Variants in FIG4 observed in about 807,000 individuals in gnomAD.
The protein encoded by FIG4 is polyphosphoinositide phosphatase.
Under a neutral mutation model 118.6 loss-of-function variants are expected in FIG4, and 112 were observed. The ratio of observed to expected loss-of-function variants is 0.94; its 90% CI spans 0.81 to 1.11. The LOEUF (loss-of-function observed/expected upper bound fraction) is 1.11, where lower values mean the gene tolerates loss of function less well. Among genes scored for constraint, FIG4 ranks in the 50% least tolerant of loss-of-function variants. The pLI is 0.00. For synonymous variants in FIG4, 369 were observed against 381.2 expected (o/e 0.97, Z 0.37); for missense variants, 969 against 1,111.7 (o/e 0.87, Z 1.83).
At chr6:109,797,543 G>C (rs1778320932) in intron 22 of FIG4, among the ~76,000 whole-genome samples, 1 of 152,098 alleles carries the variant, frequency 6.6e-6, no homozygotes, top group Non-Finnish European at 1.5e-5. Context: ...CAAAGCAAAG[G>C]GTTGTGACCA....
intron 10 of FIG4, among the ~76,000 whole-genome samples, chr6:109,759,709 C>T (rs1777041354): frequency 6.6e-6 from 1 of 152,226 alleles, no homozygotes; most frequent in Non-Finnish European, 1.5e-5. Context: ...GAATGCCTCT[C>T]CACCTCAATT....
In FIG4 at chr6:109,772,105, C is replaced by T. The variant is rs371618024; in HGVS notation, c.1751-4817C>T. Among the ~76,000 whole-genome samples the T allele has an allele frequency of 5.3e-5, 8 of 152,326 alleles. No homozygotes were observed. The East Asian group carries it at 7.7e-4, about 15-fold the overall frequency. Reference sequence around the variant, plus strand: ...ACTTGTCCAGGTTACCAACAATTCCCACATTGCCAAATCTAATGTTTACTC... The same window carrying T: ...ACTTGTCCAGGTTACCAACAATTCCTACATTGCCAAATCTAATGTTTACTC... On this transcript the variant is annotated intron_variant, in intron 15 of 22. Transcript: ENST00000230124.
chr6:109,721,047 T>C (rs755568967), intron 3 of FIG4, among the ~76,000 whole-genome samples: 2 of 152,172 alleles, frequency 1.3e-5, no homozygotes, highest in African/African-American at 2.4e-5. Flanking sequence ...ACGTGTCCTT[T>C]TTCTGCCACT....
chr6:109,819,091 G>A (rs1778936328), intron 22 of FIG4, among the ~76,000 whole-genome samples: 1 of 152,158 alleles, frequency 6.6e-6, no homozygotes, highest in Admixed American at 6.5e-5. Flanking sequence ...GGATCTCTGG[G>A]TATGTGTAGC....
chr6:109,769,827 C>G (rs7770807), intron 15 of FIG4, among the ~76,000 whole-genome samples: 122,678 of 152,140 alleles, frequency 0.81, 49,794 homozygotes, highest in African/African-American at 0.92. Flanking sequence ...CCTAAGGGCA[C>G]AGGATCCCCT....
At chr6:109,763,470 A>G (rs1004716519) in intron 12 of FIG4, among the ~76,000 whole-genome samples, 1 of 152,238 alleles carries the variant, frequency 6.6e-6, no homozygotes, top group Non-Finnish European at 1.5e-5. Context: ...TCTAAAAGGA[A>G]ATCTACAAAA....
At chr6:109,823,552 G>C (rs2128402374) in intron 22 of FIG4, among the ~76,000 whole-genome samples, 1 of 152,286 alleles carries the variant, frequency 6.6e-6, no homozygotes, top group East Asian at 1.9e-4. Flanking sequence ...TATGAAGATA[G>C]AGCCCTTTTG....
chr6:109,757,035 G>A (rs1047607559), intron 10 of FIG4, among the ~76,000 whole-genome samples: 2 of 152,098 alleles, frequency 1.3e-5, no homozygotes, highest in Non-Finnish European at 1.5e-5. Context: ...CGTCGCTCAC[G>A]CTGGGAGCTG....
intron 15 of FIG4, among the ~76,000 whole-genome samples, chr6:109,771,004 A>G (rs1029044120): frequency 6.6e-6 from 1 of 152,210 alleles, no homozygotes; most frequent in African/African-American, 2.4e-5. Flanking sequence ...AAAGAGGGAC[A>G]TCAAAGGGAA....
At chr6:109,768,608 G>A (rs1269730024) in intron 15 of FIG4, among the ~76,000 whole-genome samples, 1 of 152,176 alleles carries the variant, frequency 6.6e-6, no homozygotes, top group African/African-American at 2.4e-5. Flanking sequence ...CCACGTGCTG[G>A]CAGAATTCAG....
Position 109,789,582 on chromosome 6 carries a change from A to G in FIG4, c.2097-12A>G, listed in dbSNP as rs1425962006. ...GTAATTCATATGTAATTGTGTTTTC[A>G]CCTTTCTTTAGTGACTTTATGCCTA... On this transcript the variant is annotated splice_polypyrimidine_tract_variant and intron_variant, in intron 18 of 22. Transcript: ENST00000230124. 6 of 1,602,374 alleles carry G rather than the reference A, an allele frequency of 3.7e-6. No individual in the cohort carries two copies. In the Admixed American group the frequency reaches 5.0e-5, roughly 13 times the overall value.
intron 6 of FIG4, among the ~76,000 whole-genome samples, chr6:109,736,429 C>T (rs2128385858): frequency 6.6e-6 from 1 of 152,248 alleles, no homozygotes; most frequent in East Asian, 1.9e-4. Flanking sequence ...TCCCTACTCC[C>T]AGATCATTAG....
chr6:109,812,048 A>G (rs1778734305), intron 22 of FIG4, among the ~76,000 whole-genome samples: 1 of 152,134 alleles, frequency 6.6e-6, no homozygotes, highest in Non-Finnish European at 1.5e-5. Flanking sequence ...GTTTTTCCCC[A>G]TGCTGTTCTC....
At chr6:109,804,975 G>T (rs189426496) in intron 22 of FIG4, among the ~76,000 whole-genome samples, 148 of 152,280 alleles carry the variant, frequency 9.7e-4, no homozygotes, top group Non-Finnish European at 1.6e-3. Flanking sequence ...CCTCTTTTAG[G>T]AATTTTATGC....
Position 109,818,463 on chromosome 6 carries a change from G to T in FIG4, c.2547-6625G>T, listed in dbSNP as rs1046729364. 3.9e-5 allele frequency among the ~76,000 whole-genome samples: 6 copies of T among 152,062 alleles called. No homozygotes were observed. In the East Asian group the frequency reaches 5.8e-4, roughly 15 times the overall value. ...GATCTGCCTGCCTCGGTCTCCCAAA[G>T]TGCTGAGATTACAGGCATGAGCCAC... On this transcript the variant is annotated intron_variant, in intron 22 of 22. Transcript: ENST00000230124.
chr6:109,754,399 C>G (rs1388359977), intron 10 of FIG4, among the ~76,000 whole-genome samples: 4 of 152,124 alleles, frequency 2.6e-5, no homozygotes, highest in African/African-American at 9.7e-5. Flanking sequence ...GGCTAAAATT[C>G]TCTTTTTTGG....
At chr6:109,710,959 G>A (rs1020695480) in intron 1 of FIG4, among the ~76,000 whole-genome samples, 29 of 150,370 alleles carry the variant, frequency 1.9e-4, no homozygotes, top group African/African-American at 6.6e-4. Context: ...ATGGTTTTTC[G>A]TGTCTCAGTC....
At chr6:109,790,315 G>A (rs1433647593) in intron 19 of FIG4, among the ~76,000 whole-genome samples, 1 of 152,156 alleles carries the variant, frequency 6.6e-6, no homozygotes, top group Admixed American at 6.5e-5. Context: ...CTAGCTATGT[G>A]TGATTTATCC....
intron 1 of FIG4, among the ~76,000 whole-genome samples, chr6:109,702,470 C>T (rs3823234): frequency 0.81 from 123,377 of 152,166 alleles, 50,504 homozygotes; most frequent in African/African-American, 0.94. Flanking sequence ...TGTAGCTTTT[C>T]TCTTTGGTAT....
Sources: allele counts gnomAD v4.1 joint callset (sites outside exome capture counted in the v4.1 genomes callset), GRCh38; gene constraint gnomAD v4.1.1; transcripts MANE v1.5; gene names NCBI Gene and HGNC (gene_info 2026-07-23, HGNC 2026-07-21).